Variants in SNF8 observed in about 807,000 individuals in gnomAD.
SNF8 encodes SNF8 subunit of ESCRT-II.
In SNF8, 19 loss-of-function variants were observed where a neutral mutation model predicts 36.8. That is an observed-to-expected ratio of 0.52 (90% CI 0.36 to 0.76). The LOEUF (loss-of-function observed/expected upper bound fraction) is 0.76. Among genes scored for constraint, SNF8 ranks in the 30% least tolerant of loss-of-function variants. The probability of loss-of-function intolerance (pLI) is 0.00; values close to 1 mark genes in which losing one functional copy is unlikely to be tolerated. For synonymous variants in SNF8, 127 were observed against 127.4 expected (o/e 1.00, Z 0.02); for missense variants, 268 against 322.9 (o/e 0.83, Z 1.30).
intron 3 of SNF8, 183 bp from the exon 4 acceptor site, chr17:48,937,307 A>G (rs1316934888): frequency 2.9e-6 from 2 of 697,512 alleles, no homozygotes; most frequent in African/African-American, 3.5e-5. Flanking sequence ...GAACAGGGTC[A>G]GACGGCTCCA....
intron 3 of SNF8, among the ~76,000 whole-genome samples, chr17:48,939,823 C>G (rs1490932130): frequency 6.6e-6 from 1 of 151,568 alleles, no homozygotes; most frequent in Non-Finnish European, 1.5e-5. Flanking sequence ...ATCTATAATC[C>G]CAGCACTCTG....
Position 48,944,564 on chromosome 17 carries a change from C to G in SNF8, c.54+117G>C. ...CTGGAGAAATTCTGTGTCCCGGGGC[C>G]GAGAAGCCAGTCTCAGATTCTGTTG... On this transcript the variant is annotated intron_variant, in intron 1 of 7. Coordinates refer to ENST00000502492, the MANE Select transcript of SNF8 (RefSeq NM_007241.4). 4.3e-6 allele frequency: 5 copies of G among 1,170,850 alleles called. No individual in the cohort carries two copies. The South Asian group carries it at 5.0e-5, about 12-fold the overall frequency. The allele number at this position is 1,170,850 out of a possible 1,614,324, so 72.5% of individuals were successfully genotyped here. A position where few individuals can be genotyped will look rare whatever the true frequency, so the allele number is the denominator to read the frequency against.
Position 48,943,905 on chromosome 17 carries a change from G to A in SNF8, c.105+20C>T, listed in dbSNP as rs758948362. The A allele has an allele frequency of 7.4e-6, 12 of 1,613,238 alleles. No individual in the cohort carries two copies. Among genetic ancestry groups the A allele is most frequent in the Admixed American group, 1.7e-5 (1 of 59,966 alleles). ...CTGGTTAGGTCTCCCTCCCTGCCTG[G>A]GGCCCCCCAACCGACTTACCTGGGC... On this transcript the variant is annotated intron_variant, in intron 2 of 7. Coordinates refer to ENST00000502492, the MANE Select transcript of SNF8 (RefSeq NM_007241.4).
intron 5 of SNF8, 145 bp downstream of exon 5, chr17:48,936,025 T>G (rs2040928780): frequency 3.5e-6 from 2 of 574,534 alleles, no homozygotes; most frequent in Admixed American, 6.6e-5. Context: ...TTTTTGTTTG[T>G]TTTTTGTTTT....
rs2040831329 is a variant in SNF8 at position 48,929,845 on chromosome 17, A to G, written c.*630T>C. ...CTCCCTTTCCCACTACTGAGGCTAG[A>G]GGGACCTGGCAATCACTACAGGAGG... On this transcript the variant is annotated 3_prime_UTR_variant, in exon 8 of 8. Coordinates refer to ENST00000502492, the MANE Select transcript of SNF8 (RefSeq NM_007241.4). 1 of 152,242 alleles carries G rather than the reference A, an allele frequency of 6.6e-6. No homozygotes were observed. Among genetic ancestry groups the G allele is most frequent in the Non-Finnish European group, 1.5e-5 (1 of 68,038 alleles). The allele number at this position is 152,242 out of a possible 1,614,324, so 9.4% of individuals were successfully genotyped here.
chr17:48,944,748 C>T lies in SNF8; in HGVS notation c.-14G>A, dbSNP rs756399079. ...GCGGCGGTGCATCCCCACCCTGGGC[C>T]CGCGGGCCGCCCGGCTGCCGGGACC... On this transcript the variant is annotated 5_prime_UTR_variant, in exon 1 of 8. Transcript: ENST00000502492. 4 of 1,594,694 alleles carry T rather than the reference C, an allele frequency of 2.5e-6. No homozygotes were observed. Among genetic ancestry groups the T allele is most frequent in the Admixed American group, 1.7e-5 (1 of 58,346 alleles).
intron 5 of SNF8, 147 bp downstream of exon 5, chr17:48,936,023 T>G: frequency 1.6e-6 from 1 of 613,026 alleles, no homozygotes. Flanking sequence ...ATTTTTTGTT[T>G]GTTTTTTGTT....
At chr17:48,933,616 C>T in intron 5 of SNF8, 1 of 372,528 alleles carries the variant, frequency 2.7e-6, no homozygotes, top group Non-Finnish European at 5.0e-6. Flanking sequence ...TGGCAATCGC[C>T]TATAATCCTT....
intron 5 of SNF8, chr17:48,935,598 T>A (rs1229444344): frequency 6.6e-6 from 1 of 151,630 alleles, no homozygotes; most frequent in East Asian, 1.9e-4. Context: ...CGAGAATTGC[T>A]TGAACCCAGA....
chr17:48,936,445 C>T (rs1032329967), intron 4 of SNF8, among the ~76,000 whole-genome samples: 3 of 151,970 alleles, frequency 2.0e-5, no homozygotes, highest in East Asian at 1.9e-4. Context: ...CAGAGAGCTA[C>T]GAAAATCTAA....
intron 4 of SNF8, chr17:48,936,559 T>G: frequency 3.0e-6 from 1 of 328,598 alleles, no homozygotes; most frequent in Admixed American, 4.6e-5. Flanking sequence ...TTAAGTTTTC[T>G]TTCTGTAACT....
At chr17:48,938,868 C>T (rs577983379) in intron 3 of SNF8, among the ~76,000 whole-genome samples, 47 of 148,634 alleles carry the variant, frequency 3.2e-4, no homozygotes, top group African/African-American at 1.0e-3. Context: ...AGCGAGACTC[C>T]GTCTCAAAAA....
intron 6 of SNF8, 140 bp from the exon 7 acceptor site, chr17:48,931,857 G>T: frequency 1.6e-6 from 1 of 614,070 alleles, no homozygotes; most frequent in East Asian, 3.0e-5. Flanking sequence ...ATGTTTAAAG[G>T]TTCCAGCGGG....
intron 3 of SNF8, among the ~76,000 whole-genome samples, chr17:48,938,508 AAAAAAG>A (rs1315527491): frequency 2.0e-5 from 3 of 151,554 alleles, no homozygotes; most frequent in Non-Finnish European, 4.4e-5. Flanking sequence ...AAAAAAAAAA[AAAAAAG>A]AAAACAAAAA....
Position 48,930,483 on chromosome 17 carries a change from G to C in SNF8, c.769C>G (p.Leu257Val), listed in dbSNP as rs762081477. The change falls in exon 8 of 8, where the codon CTC becomes GTC. Residue 257 changes from leucine (L) to valine (V), a missense_variant. Leu to Val is a conservative substitution (Grantham distance 32, BLOSUM62 1). Transcript: ENST00000502492. ...EITAEEAREA[L>V]P ...TGCCCTTCCACATGCAGTCAGGGGA[G>C]GGCTTCTCTGGCCTCCTCAGCTGTA... is the stretch of plus-strand genomic sequence containing the variant. The C allele has an allele frequency of 1.2e-6, 2 of 1,605,394 alleles. No individual in the cohort carries two copies. Among genetic ancestry groups the C allele is most frequent in the Admixed American group, 1.7e-5 (1 of 59,410 alleles).
In SNF8 at chr17:48,941,704, T is replaced by A. The variant is rs1279851977; in HGVS notation, c.106-642A>T. On this transcript the variant is annotated intron_variant, in intron 2 of 7. Coordinates refer to ENST00000502492, the MANE Select transcript of SNF8 (RefSeq NM_007241.4). ...CAATCAATATTTTTTTTTTTTAATT[T>A]TTTTGAGACAGAATCTTGCTTTGTC... 3.3e-5 allele frequency among the ~76,000 whole-genome samples: 5 copies of A among 152,226 alleles called. No homozygotes were observed. In the East Asian group the frequency reaches 9.6e-4, roughly 29 times the overall value.
At position 48,930,622 on chromosome 17, in the gene SNF8, A is replaced by C. The variant is rs902778783; in HGVS notation, c.640-10T>G. 6.2e-7 allele frequency: 1 copy of C among 1,612,492 alleles called. No homozygotes were observed. The highest frequency in any genetic ancestry group is 8.5e-7 in the Non-Finnish European group (1 of 1,179,132). Reference sequence around the variant, plus strand: ...CCTTCAGCAGGTGTTCCTGGAGGGAAAAGGGAAGAAGAGCAGTTTGAGAAC... The same window carrying C: ...CCTTCAGCAGGTGTTCCTGGAGGGACAAGGGAAGAAGAGCAGTTTGAGAAC... On this transcript the variant is annotated splice_polypyrimidine_tract_variant and intron_variant, in intron 7 of 7. Coordinates refer to ENST00000502492, the MANE Select transcript of SNF8 (RefSeq NM_007241.4).
rs925023271 is a variant in SNF8, at chr17:48,941,785, G to T, written c.106-723C>A. ...AGCTCACTGCAACCTTCGCCTCCCA[G>T]TTCAAGTTGATTCTCTTGCCTCAGC... On this transcript the variant is annotated intron_variant, in intron 2 of 7. Transcript: ENST00000502492. Among the ~76,000 whole-genome samples the T allele has an allele frequency of 2.6e-5, 4 of 152,072 alleles. No individual in the cohort carries two copies. The East Asian group carries it at 7.7e-4, about 29-fold the overall frequency.
chr17:48,932,847 A>AC lies in SNF8; in HGVS notation c.564+357dup, dbSNP rs1302998780. The AC allele has an allele frequency of 2.2e-5, 4 of 185,426 alleles. No individual in the cohort carries two copies. In the Admixed American group the frequency reaches 2.4e-4, roughly 11 times the overall value. 11.5% of individuals were successfully genotyped at this position (185,426 alleles called of 1,614,324 possible). A position where few individuals can be genotyped will look rare whatever the true frequency, so the allele number is the denominator to read the frequency against. ...ATGATGAGGGATGGGGGCATGGCAA[A>AC]CAAGATTTTTTAAAATCTGTTTTTG... On this transcript the variant is annotated intron_variant, in intron 6 of 7. Transcript: ENST00000502492.
Sources: gnomAD v4.1 joint callset for allele counts (sites outside exome capture counted in the v4.1 genomes callset) on GRCh38, gnomAD v4.1.1 for gene constraint, MANE v1.5 for transcripts, NCBI Gene and HGNC (gene_info 2026-07-23, HGNC 2026-07-21) for gene names.